The following OSBPL8 variants were observed in gnomAD, a reference collection of about 807,000 sequenced individuals.
OSBPL8 encodes the protein oxysterol binding protein like 8.
A neutral mutation model predicts 125.5 loss-of-function variants in OSBPL8; 59 were observed. The ratio of observed to expected loss-of-function variants is 0.47; its 90% CI spans 0.38 to 0.58. The LOEUF (loss-of-function observed/expected upper bound fraction) is 0.58, where lower values mean the gene tolerates loss of function less well. Among genes scored for constraint, OSBPL8 ranks in the 20% least tolerant of loss-of-function variants. The pLI is 0.00. For missense variants in OSBPL8, 758 were observed against 1,047.8 expected (o/e 0.72, Z 3.82); for synonymous variants, 330 against 338.9 (o/e 0.97, Z 0.29).
At chr12:76,529,227 A>T (rs1283274251) in intron 1 of OSBPL8, among the ~76,000 whole-genome samples, 1 of 152,230 alleles carries the variant, frequency 6.6e-6, no homozygotes, top group Admixed American at 6.5e-5. Flanking sequence ...CTAGGATATT[A>T]AGGTGCACAC....
intron 4 of OSBPL8, among the ~76,000 whole-genome samples, chr12:76,447,738 G>C (rs1872881946): frequency 6.6e-6 from 1 of 152,072 alleles, no homozygotes; most frequent in South Asian, 2.1e-4. Context: ...GTAGAGATGG[G>C]GTTTCACCAT....
At chr12:76,501,245 T>C (rs1180059949) in intron 1 of OSBPL8, among the ~76,000 whole-genome samples, 2 of 152,182 alleles carry the variant, frequency 1.3e-5, no homozygotes, top group Non-Finnish European at 2.9e-5. Context: ...TCTGGAAATG[T>C]GGATTCCTTC....
intron 4 of OSBPL8, among the ~76,000 whole-genome samples, chr12:76,431,529 T>G (rs1282891531): frequency 6.6e-6 from 1 of 152,108 alleles, no homozygotes; most frequent in Non-Finnish European, 1.5e-5. Context: ...AAAATCAATT[T>G]AGATTTTAAA....
intron 4 of OSBPL8, among the ~76,000 whole-genome samples, chr12:76,416,976 T>A (rs1868758937): frequency 6.6e-6 from 1 of 152,200 alleles, no homozygotes; most frequent in Non-Finnish European, 1.5e-5. Context: ...TTTTCAAAGT[T>A]TAAAATTAAT....
Position 76,354,524 on chromosome 12 carries a change from C to A in OSBPL8, c.*1365G>T, listed in dbSNP as rs563539917. On this transcript the variant is annotated 3_prime_UTR_variant, in exon 24 of 24. Coordinates refer to ENST00000261183, the MANE Select transcript of OSBPL8 (RefSeq NM_020841.5). ...TGGTCAGGGCAATTATTCTCTCTGA[C>A]CTTCATTTTCATTAAAAAAACATTT... is the stretch of plus-strand genomic sequence containing the variant. 8.6e-5 allele frequency: 13 copies of A among 151,904 alleles called. No homozygotes were observed. In the East Asian group the frequency reaches 2.3e-3, roughly 27 times the overall value. 9.4% of individuals were successfully genotyped at this position (151,904 alleles called of 1,614,324 possible).
intron 19 of OSBPL8, 35 bp downstream of exon 19, chr12:76,371,413 T>C (rs2136197398): frequency 6.5e-7 from 1 of 1,547,588 alleles, no homozygotes; most frequent in Non-Finnish European, 8.7e-7. Context: ...TACTCTCTGA[T>C]CCTCATGAAG....
chr12:76,472,226 T>C (rs930639108), intron 2 of OSBPL8, among the ~76,000 whole-genome samples: 5 of 152,220 alleles, frequency 3.3e-5, no homozygotes, highest in Admixed American at 3.3e-4. Context: ...CATCTTAACA[T>C]CATTTTTAAG....
chr12:76,487,552 A>G lies in OSBPL8; in HGVS notation c.-1T>C, dbSNP rs1451128335. The G allele has an allele frequency of 6.2e-7, 1 of 1,603,564 alleles. No individual in the cohort carries two copies. The highest frequency in any genetic ancestry group is 1.1e-5 in the South Asian group (1 of 89,316). On this transcript the variant is annotated 5_prime_UTR_variant, in exon 2 of 24. Coordinates refer to ENST00000261183, the MANE Select transcript of OSBPL8 (RefSeq NM_020841.5). ...CTCCATCTGCCAAACCTCCCTCCAT[A>G]ATGAAAGAAGATAGGTTTATGCTTC...
chr12:76,360,415 A>G (rs2136137470), intron 21 of OSBPL8, among the ~76,000 whole-genome samples: 1 of 152,330 alleles, frequency 6.6e-6, no homozygotes, highest in Non-Finnish European at 1.5e-5. Flanking sequence ...TCTGCAGGGT[A>G]TCCCCTCCTG....
rs188571529 is a variant in OSBPL8, at chr12:76,357,684, G to A, written c.2435-956C>T. On this transcript the variant is annotated intron_variant, in intron 22 of 23. Coordinates refer to ENST00000261183, the MANE Select transcript of OSBPL8 (RefSeq NM_020841.5). ...ATTAGAAATCTTAATAATTCATCAG[G>A]ATTCTAAGAACTTTCCCTCAAACTG... Among the ~76,000 whole-genome samples, 78 of 152,178 alleles carry A rather than the reference G, an allele frequency of 5.1e-4. 1 individual carries two copies. Among genetic ancestry groups the A allele is most frequent in the Admixed American group, 2.6e-3 (40 of 15,286 alleles).
chr12:76,465,396 T>G (rs1184019317), intron 2 of OSBPL8, among the ~76,000 whole-genome samples: 2 of 151,496 alleles, frequency 1.3e-5, no homozygotes, highest in African/African-American at 2.4e-5. Flanking sequence ...CCGTCTCTAC[T>G]AAAAATACAA....
chr12:76,470,395 T>A (rs1434325395), intron 2 of OSBPL8, among the ~76,000 whole-genome samples: 1 of 152,226 alleles, frequency 6.6e-6, no homozygotes, highest in East Asian at 1.9e-4. Context: ...CACATCATAA[T>A]CATGCCAGGT....
chr12:76,370,869 T>C (rs1420884227), intron 19 of OSBPL8, among the ~76,000 whole-genome samples: 1 of 152,190 alleles, frequency 6.6e-6, no homozygotes, highest in Non-Finnish European at 1.5e-5. Context: ...ATAAGTCTCT[T>C]TCTCTTAACA....
At chr12:76,551,954 A>G (rs1950950535) in intron 1 of OSBPL8, among the ~76,000 whole-genome samples, 1 of 152,180 alleles carries the variant, frequency 6.6e-6, no homozygotes, top group Non-Finnish European at 1.5e-5. Flanking sequence ...TTTCTTTCAC[A>G]TGGTAAATTT....
chr12:76,412,989 T>C (rs1032346976), intron 4 of OSBPL8, among the ~76,000 whole-genome samples: 1 of 152,182 alleles, frequency 6.6e-6, no homozygotes, highest in African/African-American at 2.4e-5. Flanking sequence ...TATACTCCAA[T>C]TATCTTTATG....
At chr12:76,373,914 G>A (rs1952716010) in intron 17 of OSBPL8, among the ~76,000 whole-genome samples, 1 of 152,050 alleles carries the variant, frequency 6.6e-6, no homozygotes, top group African/African-American at 2.4e-5. Flanking sequence ...GGAATACACT[G>A]AGTTACTATA....
chr12:76,513,980 T>C (rs182344869), intron 1 of OSBPL8, among the ~76,000 whole-genome samples: 4 of 152,156 alleles, frequency 2.6e-5, no homozygotes, highest in Non-Finnish European at 4.4e-5. Flanking sequence ...GGTTATTATG[T>C]TGGCTTGTTT....
At chr12:76,405,818 T>G (rs1019584771) in intron 5 of OSBPL8, among the ~76,000 whole-genome samples, 2 of 152,234 alleles carry the variant, frequency 1.3e-5, no homozygotes, top group African/African-American at 4.8e-5. Flanking sequence ...ACTCTCTTAA[T>G]GATGACCATC....
chr12:76,364,078 T>G (rs1461061616), intron 21 of OSBPL8, among the ~76,000 whole-genome samples: 1 of 152,226 alleles, frequency 6.6e-6, no homozygotes, highest in Non-Finnish European at 1.5e-5. Context: ...TCAACCATTG[T>G]GGAAGACAGT....
Sources: allele counts gnomAD v4.1 joint callset (sites outside exome capture counted in the v4.1 genomes callset), GRCh38; gene constraint gnomAD v4.1.1; transcripts MANE v1.5; gene names NCBI Gene and HGNC (gene_info 2026-07-23, HGNC 2026-07-21).